Variants in ECPAS observed in about 807,000 individuals in gnomAD.
ECPAS encodes the protein Ecm29 proteasome adaptor and scaffold.
A neutral mutation model predicts 255.1 loss-of-function variants in ECPAS; 70 were observed. That is an observed-to-expected ratio of 0.27 (90% confidence interval 0.23 to 0.33). The LOEUF (loss-of-function observed/expected upper bound fraction) is 0.33, where lower values mean the gene tolerates loss of function less well. Ranked by LOEUF, ECPAS falls within the 10% of genes least tolerant of loss-of-function variation. The pLI, the probability that ECPAS is intolerant of heterozygous loss-of-function variation, is 1.00. For missense variants in ECPAS, 1,817 were observed against 2,206.4 expected (o/e 0.82, Z 3.54); for synonymous variants, 784 against 775.0 (o/e 1.01, Z -0.19).
chr9:111,479,526 G>A (rs2098300923), intron 1 of ECPAS, among the ~76,000 whole-genome samples: 1 of 152,108 alleles, frequency 6.6e-6, no homozygotes, highest in African/African-American at 2.4e-5. Flanking sequence ...CCAGGATGTG[G>A]AGGTTGCAGT....
intron 49 of ECPAS, 107 bp from the exon 50 acceptor site, chr9:111,362,276 C>T: frequency 2.3e-6 from 2 of 877,920 alleles, no homozygotes; most frequent in Non-Finnish European, 3.4e-6. Context: ...TTAAAAATAT[C>T]CTATCCCCCA....
At chr9:111,426,480 A>T (rs1418113219) in intron 10 of ECPAS, among the ~76,000 whole-genome samples, 1 of 152,080 alleles carries the variant, frequency 6.6e-6, no homozygotes, top group African/African-American at 2.4e-5. Flanking sequence ...TCTGCTTTAT[A>T]ATTGCCACTG....
At chr9:111,433,956 T>G (rs919638460) in intron 7 of ECPAS, among the ~76,000 whole-genome samples, 1 of 152,232 alleles carries the variant, frequency 6.6e-6, no homozygotes, top group Admixed American at 6.5e-5. Context: ...TTTAATTGAC[T>G]GGCTGAAATG....
intron 2 of ECPAS, among the ~76,000 whole-genome samples, chr9:111,471,934 C>G (rs2098288793): frequency 6.6e-6 from 1 of 151,706 alleles, no homozygotes; most frequent in Non-Finnish European, 1.5e-5. Flanking sequence ...GAGACTCTGT[C>G]TCTACCAAAA....
rs182687123 is a variant in ECPAS at position 111,406,913 on chromosome 9, G to T, written c.2652+1658C>A. 4.7e-5 allele frequency among the ~76,000 whole-genome samples: 7 copies of T among 148,882 alleles called. No homozygotes were observed. The East Asian group carries it at 1.4e-3, about 30-fold the overall frequency. On this transcript the variant is annotated intron_variant, in intron 24 of 49. Coordinates refer to ENST00000684092, the MANE Select transcript of ECPAS (RefSeq NM_001364929.1). Reference sequence around the variant, plus strand: ...AAATAAAAAATAAAAACAGTTAAAAGAAACCAAAAAAACCTTCAGCACTGT... The same window carrying T: ...AAATAAAAAATAAAAACAGTTAAAATAAACCAAAAAAACCTTCAGCACTGT...
In ECPAS at chr9:111,384,068, C is replaced by T. The variant is rs1278214479; in HGVS notation, c.3681+454G>A. ...AACAGGAAAACACCTGTATTTAAAA[C>T]CTGGTTTTACTATTTATGTGACCTA... On this transcript the variant is annotated intron_variant, in intron 34 of 49. Transcript: ENST00000684092. Among the ~76,000 whole-genome samples the T allele has an allele frequency of 3.3e-5, 5 of 152,084 alleles. No homozygotes were observed. In the East Asian group the frequency reaches 9.6e-4, roughly 29 times the overall value.
chr9:111,380,099 C>A (rs1402083548), intron 35 of ECPAS, among the ~76,000 whole-genome samples: 2 of 152,238 alleles, frequency 1.3e-5, no homozygotes, highest in Non-Finnish European at 1.5e-5. Flanking sequence ...GAATCACTAT[C>A]AATGGCAGCT....
chr9:111,396,051 C>G (rs1385870760), intron 25 of ECPAS, among the ~76,000 whole-genome samples: 1 of 152,160 alleles, frequency 6.6e-6, no homozygotes, highest in Non-Finnish European at 1.5e-5. Flanking sequence ...AACTGTAACA[C>G]TAAGTGCAAT....
At chr9:111,424,616 T>C (rs2098218789) in intron 12 of ECPAS, among the ~76,000 whole-genome samples, 1 of 152,120 alleles carries the variant, frequency 6.6e-6, no homozygotes, top group South Asian at 2.1e-4. Context: ...CCTCATCCCA[T>C]TTAGCTTAAG....
intron 20 of ECPAS, among the ~76,000 whole-genome samples, 176 bp downstream of exon 20, chr9:111,413,719 T>C (rs1189566130): frequency 6.6e-6 from 1 of 152,144 alleles, no homozygotes; most frequent in Admixed American, 6.5e-5. Flanking sequence ...CCTCCAGATG[T>C]GTCAATGAGA....
chr9:111,418,888 G>A (rs1364271242), intron 16 of ECPAS, among the ~76,000 whole-genome samples: 1 of 152,094 alleles, frequency 6.6e-6, no homozygotes, highest in African/African-American at 2.4e-5. Context: ...AGAAGCAACA[G>A]AGCACCAGAA....
Position 111,444,455 on chromosome 9 carries a change from T to G in ECPAS, c.193A>C (p.Ser65Arg), listed in dbSNP as rs2098250148. The G allele has an allele frequency of 1.9e-6, 3 of 1,613,668 alleles. No homozygotes were observed. The highest frequency in any genetic ancestry group is 2.2e-5 in the East Asian group (1 of 44,880). Residue 65 changes from serine (S) to arginine (R), a missense_variant, in exon 4 of 50, where the codon AGC becomes CGC. Transcript: ENST00000684092. ...LLVHLNKRIK[S>R]RPKIQLPVET... The stretch of plus-strand genomic sequence containing the variant: ...ACTGGAAGTTGTATTTTGGGGCGGC[T>G]TTTTATACGTTTATTCAGATGGACC...
chr9:111,409,018 G>T (rs72609707), intron 23 of ECPAS, among the ~76,000 whole-genome samples: 9,645 of 152,208 alleles, frequency 0.063, 442 homozygotes, highest in East Asian at 0.19. Flanking sequence ...ACTGGTGTGC[G>T]ACCTTAAGCA....
intron 6 of ECPAS, among the ~76,000 whole-genome samples, chr9:111,438,932 C>T (rs1172814262): frequency 6.6e-6 from 1 of 152,158 alleles, no homozygotes; most frequent in African/African-American, 2.4e-5. Flanking sequence ...TGTACACATA[C>T]TTTTGTGATC....
intron 18 of ECPAS, among the ~76,000 whole-genome samples, chr9:111,415,113 T>C (rs2098201171): frequency 1.3e-5 from 2 of 152,084 alleles, no homozygotes; most frequent in Admixed American, 1.3e-4. Context: ...AATGAAATAG[T>C]ATATACAACA....
chr9:111,403,320 A>C (rs1425638253), intron 24 of ECPAS, among the ~76,000 whole-genome samples: 1 of 151,486 alleles, frequency 6.6e-6, no homozygotes, highest in Non-Finnish European at 1.5e-5. Flanking sequence ...AGATTGCTGC[A>C]CTCCAGCCTG....
intron 2 of ECPAS, 113 bp downstream of exon 2, chr9:111,472,784 G>GAA (rs796510529): frequency 5.4e-4 from 108 of 198,816 alleles, no homozygotes; most frequent in South Asian, 1.2e-3. Flanking sequence ...GCTAGAAAAG[G>GAA]AAAAAAAAAA....
intron 36 of ECPAS, among the ~76,000 whole-genome samples, chr9:111,377,939 G>A (rs1313244914): frequency 6.6e-6 from 1 of 152,162 alleles, no homozygotes; most frequent in Non-Finnish European, 1.5e-5. Context: ...GAGGTCAGGA[G>A]ATCAAGACCA....
chr9:111,386,502 T>C, intron 31 of ECPAS, 46 bp from the exon 32 acceptor site: 1 of 1,112,992 alleles, frequency 9.0e-7, no homozygotes, highest in Non-Finnish European at 1.3e-6. Flanking sequence ...AATCCATCAA[T>C]AATCAAATTA....
Sources: gnomAD v4.1 joint callset for allele counts (sites outside exome capture counted in the v4.1 genomes callset) on GRCh38, gnomAD v4.1.1 for gene constraint, MANE v1.5 for transcripts, NCBI Gene and HGNC (gene_info 2026-07-23, HGNC 2026-07-21) for gene names.